SQSTM1: variants seen among roughly 807,000 people sequenced by gnomAD.
SQSTM1 encodes the protein sequestosome-1.
SQSTM1 carries 36 observed loss-of-function variants against 45.1 expected under a neutral mutation model. The ratio of observed to expected loss-of-function variants is 0.80; its 90% CI spans 0.61 to 1.05. SQSTM1 has a LOEUF of 1.05. Among genes scored for constraint, SQSTM1 ranks in the 50% least tolerant of loss-of-function variants. The pLI is 0.00. For synonymous variants in SQSTM1, 290 were observed against 244.3 expected (o/e 1.19, Z -1.74); for missense variants, 617 against 607.1 (o/e 1.02, Z -0.17).
At position 179,822,445 on chromosome 5, in the gene SQSTM1, A is replaced by G. The variant is rs189770900; in HGVS notation, c.206-513A>G. ...CCATTTCAGCTCATATGTATCTGTC[A>G]CAAATGGAGACTACATACAAATACG... On this transcript the variant is annotated intron_variant, in intron 1 of 7. Coordinates refer to ENST00000389805, the MANE Select transcript of SQSTM1 (RefSeq NM_003900.5). The G allele has an allele frequency of 4.3e-4, 98 of 228,416 alleles. 1 individual carries two copies. In the East Asian group the frequency reaches 8.7e-3, roughly 20 times the overall value. The allele number at this position is 228,416 out of a possible 1,614,324, so 14.1% of individuals were successfully genotyped here. A position where few individuals can be genotyped will look rare whatever the true frequency, so the allele number is the denominator to read the frequency against.
At chr5:179,821,187 C>G (rs2113480307) in intron 1 of SQSTM1, 46 bp downstream of exon 1, 1 of 1,318,382 alleles carries the variant, frequency 7.6e-7, no homozygotes, top group East Asian at 3.2e-5. Flanking sequence ...AGGCCGGACA[C>G]GGCCTCCTGC....
Position 179,833,088 on chromosome 5 carries a change from G to A in SQSTM1, c.811G>A (p.Val271Ile), listed in dbSNP as rs376283809. ...HGGKRSRLTP[V>I]SPESSSTEEK... ...AGGGAAAAGAAGCCGCCTGACCCCC[G>A]TCTCTCCAGAGAGTTCCAGCACAGA... is the stretch of plus-strand genomic sequence containing the variant. The change falls in exon 6 of 8, where the codon GTC becomes ATC. Residue 271 changes from valine to isoleucine, a missense_variant. Transcript: ENST00000389805. 6.6e-5 allele frequency: 107 copies of A among 1,614,084 alleles called. No homozygotes were observed. The highest frequency in any genetic ancestry group is 1.6e-4 in the Middle Eastern group (1 of 6,084).
At chr5:179,831,789 T>TC (rs1758233056) in intron 5 of SQSTM1, among the ~76,000 whole-genome samples, 1 of 102,466 alleles carries the variant, frequency 9.8e-6, no homozygotes, top group Non-Finnish European at 2.0e-5. Flanking sequence ...CATTGAATGT[T>TC]CTTTTTTTTT....
chr5:179,806,447 C>A lies in SQSTM1; in HGVS notation c.-301C>A. The A allele has an allele frequency of 8.4e-7, 1 of 1,186,796 alleles. No homozygotes were observed. The highest frequency in any genetic ancestry group is 3.5e-5 in the Admixed American group (1 of 28,176). The allele number at this position is 1,186,796 out of a possible 1,614,324, so 73.5% of individuals were successfully genotyped here. A position where few individuals can be genotyped will look rare whatever the true frequency, so the allele number is the denominator to read the frequency against. ...CGGGCCCGCTCCCGCCGCCGACGCC[C>A]AGGTGCGCCAGGTGCGGGCCGGGCG... On this transcript the variant is annotated 5_prime_UTR_variant, in exon 1 of 6. Coordinates refer to the SQSTM1 transcript ENST00000514093. This position sits in a 1 kb window ranked among gnomAD's most constrained non-coding sequence, Gnocchi z 4.6.
chr5:179,837,692 C>G lies in SQSTM1; in HGVS notation c.*1099C>G. 3 of 1,614,270 alleles carry G rather than the reference C, an allele frequency of 1.9e-6. No individual in the cohort carries two copies. Among genetic ancestry groups the G allele is most frequent in the Non-Finnish European group, 2.5e-6 (3 of 1,180,052 alleles). On this transcript the variant is annotated 3_prime_UTR_variant, in exon 8 of 8. Coordinates refer to ENST00000389805, the MANE Select transcript of SQSTM1 (RefSeq NM_003900.5). Reference sequence around the variant, plus strand: ...CCTCTGAAGAGACCTTGGCTGCTCACTGTCCACATGTGAACTTTTTCTAGG... The same window carrying G: ...CCTCTGAAGAGACCTTGGCTGCTCAGTGTCCACATGTGAACTTTTTCTAGG...
At chr5:179,811,104 G>A (rs1562635030) in intron 1 of SQSTM1, among the ~76,000 whole-genome samples, 1 of 152,014 alleles carries the variant, frequency 6.6e-6, no homozygotes, top group Non-Finnish European at 1.5e-5. Context: ...GTGGTGGCGG[G>A]CACCTGTAGT....
chr5:179,831,837 G>A (rs1758236037), intron 5 of SQSTM1, among the ~76,000 whole-genome samples: 2 of 150,834 alleles, frequency 1.3e-5, no homozygotes, highest in South Asian at 4.2e-4. Context: ...AGGCTGGAGT[G>A]CAGTGGCGCC....
intron 1 of SQSTM1, among the ~76,000 whole-genome samples, chr5:179,810,827 AT>A (rs1757372648): frequency 1.3e-5 from 2 of 152,098 alleles, no homozygotes; most frequent in South Asian, 4.1e-4. Context: ...GTGAGATGCT[AT>A]CTCAATGTGG....
intron 4 of SQSTM1, 131 bp downstream of exon 4, chr5:179,824,454 T>TCA: frequency 7.4e-7 from 1 of 1,355,940 alleles, no homozygotes. Flanking sequence ...TGCCCTACAA[T>TCA]CACACAAGAA....
upstream of SQSTM1, among the ~76,000 whole-genome samples, chr5:179,817,320 C>T (rs1317512016): frequency 2.0e-5 from 3 of 152,192 alleles, no homozygotes; most frequent in Non-Finnish European, 4.4e-5. Flanking sequence ...TAGACACCGC[C>T]GGGCGTTCGT....
intron 1 of SQSTM1, chr5:179,807,055 T>TGGGGGCC (rs1176458508): frequency 7.5e-6 from 1 of 133,254 alleles, no homozygotes; most frequent in Non-Finnish European, 1.6e-5. Flanking sequence ...GGGGGTGGGG[T>TGGGGGCC]GGGGGCCGGC....
intron 1 of SQSTM1, 74 bp downstream of exon 1, chr5:179,821,215 C>G: frequency 7.8e-7 from 1 of 1,285,074 alleles, no homozygotes; most frequent in East Asian, 3.3e-5. Flanking sequence ...TGGCTGCCCC[C>G]TCCCTTCTCG....
rs1758689232 is a variant in SQSTM1, at chr5:179,838,020, G to A, written c.*1427G>A. The A allele has an allele frequency of 3.7e-6, 3 of 818,682 alleles. No homozygotes were observed. Among genetic ancestry groups the A allele is most frequent in the Middle Eastern group, 3.7e-4 (1 of 2,704 alleles). 50.7% of individuals were successfully genotyped at this position (818,682 alleles called of 1,614,324 possible). On this transcript the variant is annotated 3_prime_UTR_variant, in exon 8 of 8. Transcript: ENST00000389805. ...GCTGGAAGCTGTCAGGCTGGGACAG[G>A]CTTTGATTTTGAGGGTTAGCAAGAC...
At chr5:179,821,487 G>A (rs1449287900) in intron 1 of SQSTM1, 4 of 534,644 alleles carry the variant, frequency 7.5e-6, no homozygotes, top group Non-Finnish European at 1.4e-5. Flanking sequence ...GAACGCTCTG[G>A]CTCTCCGCGG....
chr5:179,814,414 G>A (rs1757519652), upstream of SQSTM1, among the ~76,000 whole-genome samples: 2 of 152,188 alleles, frequency 1.3e-5, no homozygotes, highest in Admixed American at 1.3e-4. Context: ...TCGGTTAACA[G>A]CAACTTAGTC....
intron 1 of SQSTM1, chr5:179,821,501 C>G: frequency 1.9e-6 from 1 of 521,954 alleles, no homozygotes. Flanking sequence ...TCCGCGGGCA[C>G]TGGGTGGTCA....
intron 1 of SQSTM1, 56 bp from the exon 2 acceptor site, chr5:179,822,902 C>T (rs959927709): frequency 1.3e-6 from 2 of 1,496,210 alleles, no homozygotes; most frequent in African/African-American, 1.4e-5. Context: ...ATTCCAGCAG[C>T]TTATGTCCAG....
chr5:179,823,657 C>G, intron 2 of SQSTM1: 1 of 611,146 alleles, frequency 1.6e-6, no homozygotes, highest in Non-Finnish European at 2.9e-6. Flanking sequence ...CTGCCTGGGC[C>G]AAACAGACAC....
intron 5 of SQSTM1, among the ~76,000 whole-genome samples, chr5:179,830,127 CAAAACAAA>C (rs1365321052): frequency 2.2e-5 from 2 of 89,908 alleles, no homozygotes; most frequent in South Asian, 3.5e-4. Context: ...CAAAACAAAA[CAAAACAAA>C]AAACAAAAAT....
Sources: allele counts gnomAD v4.1 joint callset (sites outside exome capture counted in the v4.1 genomes callset), GRCh38; gene constraint gnomAD v4.1.1; non-coding constraint Gnocchi (gnomAD v3.1); transcripts MANE v1.5; gene names NCBI Gene and HGNC (gene_info 2026-07-23, HGNC 2026-07-21).